The following PPARGC1A variants were observed in gnomAD, a reference collection of about 807,000 sequenced individuals.
The protein encoded by PPARGC1A is peroxisome proliferator-activated receptor gamma coactivator 1-alpha.
PPARGC1A carries 25 observed loss-of-function variants against 88.7 expected under a neutral mutation model. That is an observed-to-expected ratio of 0.28 (90% confidence interval 0.21 to 0.39). PPARGC1A has a LOEUF of 0.39. Among genes scored for constraint, PPARGC1A ranks in the 10% least tolerant of loss-of-function variants. The pLI is 1.00. For missense variants in PPARGC1A, 880 were observed against 968.7 expected (o/e 0.91, Z 1.22); for synonymous variants, 363 against 355.6 (o/e 1.02, Z -0.24).
At chr4:23,903,717 T>A (rs1719694347), upstream of PPARGC1A, among the ~76,000 whole-genome samples, 1 of 152,288 alleles carries the variant, frequency 6.6e-6, no homozygotes, top group East Asian at 1.9e-4. Context: ...CTAGATCACT[T>A]GAAATGCATG....
chr4:24,315,943 G>T, the PPARGC1A span, among the ~76,000 whole-genome samples: 1 of 152,208 alleles, frequency 6.6e-6, no homozygotes, highest in African/African-American at 2.4e-5. Context: ...ATAAAGGATA[G>T]TTCCTATCCA....
At chr4:24,210,551 T>C in the PPARGC1A span, among the ~76,000 whole-genome samples, 14 of 152,286 alleles carry the variant, frequency 9.2e-5, no homozygotes, top group East Asian at 1.4e-3. Flanking sequence ...CTGGAGGGAA[T>C]TGATTCACAG....
chr4:24,002,068 TCA>T, the PPARGC1A span, among the ~76,000 whole-genome samples: 14,366 of 122,082 alleles, frequency 0.12, 814 homozygotes, highest in Middle Eastern at 0.17. Context: ...GATGATAAAT[TCA>T]CACACACACA....
the PPARGC1A span, among the ~76,000 whole-genome samples, chr4:24,247,347 T>G: frequency 6.6e-6 from 1 of 152,182 alleles, no homozygotes; most frequent in African/African-American, 2.4e-5. Flanking sequence ...CTTTAAATTT[T>G]CAGCCACAAA....
At chr4:23,855,418 T>A (rs1730019052) in intron 2 of PPARGC1A, among the ~76,000 whole-genome samples, 1 of 152,186 alleles carries the variant, frequency 6.6e-6, no homozygotes, top group African/African-American at 2.4e-5. Flanking sequence ...TAATTGGCAT[T>A]CAGAAAGCAT....
At chr4:23,944,110 C>G in the PPARGC1A span, among the ~76,000 whole-genome samples, 2 of 152,110 alleles carry the variant, frequency 1.3e-5, no homozygotes, top group African/African-American at 4.8e-5. Flanking sequence ...AGTTAATAGT[C>G]ATATATCAAT....
chr4:23,804,765 A>C (rs1339340971), intron 10 of PPARGC1A, among the ~76,000 whole-genome samples: 1 of 152,142 alleles, frequency 6.6e-6, no homozygotes, highest in Non-Finnish European at 1.5e-5. Flanking sequence ...GCCTTTGCAC[A>C]TGCTCTTTCC....
the PPARGC1A span, among the ~76,000 whole-genome samples, chr4:24,374,950 A>G: frequency 6.6e-6 from 1 of 151,600 alleles, no homozygotes; most frequent in Non-Finnish European, 1.5e-5. Flanking sequence ...GCATGTTTAT[A>G]GCGGCATTAT....
the PPARGC1A span, among the ~76,000 whole-genome samples, chr4:24,316,518 A>C: frequency 1.3e-5 from 2 of 152,352 alleles, no homozygotes; most frequent in African/African-American, 4.8e-5. Flanking sequence ...CTAGATATTA[A>C]TATAAGAATA....
chr4:24,081,489 C>CT, the PPARGC1A span, among the ~76,000 whole-genome samples: 1 of 152,196 alleles, frequency 6.6e-6, no homozygotes, highest in African/African-American at 2.4e-5. Flanking sequence ...ATGTAATAGA[C>CT]CTGCTGGACT....
At chr4:24,124,808 C>G in the PPARGC1A span, among the ~76,000 whole-genome samples, 2 of 151,978 alleles carry the variant, frequency 1.3e-5, no homozygotes, top group African/African-American at 2.4e-5. Context: ...ATGGGAGATG[C>G]TAGAAAAGGA....
intron 2 of PPARGC1A, among the ~76,000 whole-genome samples, chr4:23,862,257 G>C (rs1042024210): frequency 4.6e-5 from 7 of 152,234 alleles, no homozygotes; most frequent in African/African-American, 1.7e-4. Flanking sequence ...GTCTCTGCTA[G>C]ATGTTTAGGT....
intron 2 of PPARGC1A, among the ~76,000 whole-genome samples, chr4:23,834,758 C>G (rs1372440245): frequency 6.6e-6 from 1 of 152,070 alleles, no homozygotes; most frequent in Non-Finnish European, 1.5e-5. Flanking sequence ...ATTTTCTGCC[C>G]AGGATCATAA....
At chr4:24,105,276 A>T in the PPARGC1A span, among the ~76,000 whole-genome samples, 1 of 152,216 alleles carries the variant, frequency 6.6e-6, no homozygotes, top group South Asian at 2.1e-4. Context: ...CCAGTTTCCA[A>T]TGACCCAAGC....
the PPARGC1A span, among the ~76,000 whole-genome samples, chr4:24,093,995 GC>G: frequency 3.3e-4 from 50 of 152,178 alleles, no homozygotes; most frequent in African/African-American, 1.2e-3. Context: ...ATAACCACAT[GC>G]CCTTTTTTGT....
chr4:24,173,335 CACCAA>C, the PPARGC1A span, among the ~76,000 whole-genome samples: 1 of 77,784 alleles, frequency 1.3e-5, no homozygotes, highest in Non-Finnish European at 2.6e-5. Context: ...GTCCTTTCCC[CACCAA>C]AAAAAAAAAA....
At chr4:24,365,208 G>C in the PPARGC1A span, among the ~76,000 whole-genome samples, 1 of 150,804 alleles carries the variant, frequency 6.6e-6, no homozygotes, top group East Asian at 1.9e-4. Context: ...ATGGGACTTT[G>C]AAAGACTATA....
chr4:24,376,385 C>T, the PPARGC1A span, among the ~76,000 whole-genome samples: 17 of 152,170 alleles, frequency 1.1e-4, no homozygotes, highest in Admixed American at 6.5e-4. Context: ...AAGCCTGTCA[C>T]GTCAAGGACA....
the PPARGC1A span, among the ~76,000 whole-genome samples, chr4:24,348,772 T>A: frequency 1.3e-5 from 2 of 152,228 alleles, no homozygotes; most frequent in Non-Finnish European, 2.9e-5. Context: ...CTTTCCCTTA[T>A]TAGCTAAATA....
Sources: allele counts gnomAD v4.1 joint callset (sites outside exome capture counted in the v4.1 genomes callset), GRCh38; gene constraint gnomAD v4.1.1; transcripts MANE v1.5; gene names NCBI Gene and HGNC (gene_info 2026-07-23, HGNC 2026-07-21).